The following MRRF variants were observed in gnomAD, a reference collection of about 807,000 sequenced individuals.
MRRF encodes the protein mitochondrial ribosome recycling factor, also known as ribosome-recycling factor, mitochondrial.
In MRRF, 18 loss-of-function variants were observed where a neutral mutation model predicts 25.1. The observed-to-expected ratio is 0.72, with a 90% CI of 0.50 to 1.06. The LOEUF (loss-of-function observed/expected upper bound fraction) is 1.06. Among genes scored for constraint, MRRF ranks in the 50% least tolerant of loss-of-function variants. The probability of loss-of-function intolerance (pLI) is 0.00; values close to 1 mark genes in which losing one functional copy is unlikely to be tolerated. For missense variants in MRRF, 323 were observed against 319.3 expected, an observed-to-expected ratio of 1.01 and a Z score of -0.09; for synonymous variants, 113 against 112.1, an observed-to-expected ratio of 1.01 and a Z score of -0.05.
chr9:122,302,582 C>T (rs983858102), intron 5 of MRRF, among the ~76,000 whole-genome samples: 2 of 151,990 alleles, frequency 1.3e-5, no homozygotes, highest in Admixed American at 6.6e-5. Flanking sequence ...ATGGCTATAC[C>T]ACATTTTATA....
chr9:122,292,937 T>C (rs1329423996), intron 5 of MRRF, among the ~76,000 whole-genome samples: 2 of 152,194 alleles, frequency 1.3e-5, no homozygotes, highest in Non-Finnish European at 2.9e-5. Context: ...TCAACAAATA[T>C]TTATTAAGTA....
rs184339605 is a variant in MRRF at position 122,293,554 on chromosome 9, A to C, written c.551+1714A>C. On this transcript the variant is annotated intron_variant, in intron 5 of 6. Coordinates refer to ENST00000344641, the MANE Select transcript of MRRF (RefSeq NM_138777.5). ...TGTCTTGTTCCATTGTGTTCTCAGT[A>C]CTCTGTGAGGCTGAAGTAACACTCT... 6.6e-5 allele frequency among the ~76,000 whole-genome samples: 10 copies of C among 152,258 alleles called. No individual in the cohort carries two copies. The East Asian group carries it at 1.9e-3, about 29-fold the overall frequency.
intron 2 of MRRF, among the ~76,000 whole-genome samples, chr9:122,274,715 A>G (rs1157056679): frequency 6.6e-6 from 1 of 152,120 alleles, no homozygotes; most frequent in Admixed American, 6.6e-5. Context: ...AAAGTTGTTC[A>G]TAATAGTCTC....
intron 1 of MRRF, chr9:122,265,832 C>T (rs1052955074): frequency 9.1e-7 from 1 of 1,098,434 alleles, no homozygotes; most frequent in African/African-American, 1.6e-5. Context: ...AGCCCTTTCT[C>T]TACCTGTTAA....
intron 5 of MRRF, among the ~76,000 whole-genome samples, chr9:122,293,378 G>A (rs1299423246): frequency 1.3e-5 from 2 of 152,168 alleles, no homozygotes; most frequent in Non-Finnish European, 2.9e-5. Flanking sequence ...CACACAGCTT[G>A]TGCTGAAGCT....
chr9:122,287,548 G>A (rs1182076911), intron 4 of MRRF, among the ~76,000 whole-genome samples: 3 of 152,144 alleles, frequency 2.0e-5, no homozygotes, highest in Non-Finnish European at 4.4e-5. Context: ...ACCTCATCAG[G>A]CAGATTGCTT....
intron 1 of MRRF, among the ~76,000 whole-genome samples, chr9:122,267,074 A>T (rs1478473832): frequency 6.7e-6 from 1 of 150,004 alleles, no homozygotes; most frequent in Non-Finnish European, 1.5e-5. Flanking sequence ...CGTCTCAAAA[A>T]AAAAAAAAAA....
In MRRF at chr9:122,304,742, C is replaced by T. The variant is rs768482769; in HGVS notation, c.552-8485C>T. On this transcript the variant is annotated intron_variant, in intron 5 of 6. Transcript: ENST00000344641. ...AGTAGCATGAATTATATATCTAAGCCGGTCTTAATGTGAGAGTAGTACTGT... is the reference window on the plus strand; with the variant it reads ...AGTAGCATGAATTATATATCTAAGCTGGTCTTAATGTGAGAGTAGTACTGT... Among the ~76,000 whole-genome samples the T allele has an allele frequency of 1.6e-4, 25 of 152,198 alleles. No homozygotes were observed. The South Asian group carries it at 3.7e-3, about 23-fold the overall frequency.
At chr9:122,286,281 A>G (rs1353553146) in intron 4 of MRRF, 1 of 1,074,110 alleles carries the variant, frequency 9.3e-7, no homozygotes, top group Non-Finnish European at 1.2e-6. Flanking sequence ...AGAAAGGGAA[A>G]GCCCTTGCTG....
At chr9:122,319,073 T>A (rs1293926385) in intron 6 of MRRF, among the ~76,000 whole-genome samples, 4 of 151,760 alleles carry the variant, frequency 2.6e-5, no homozygotes, top group Non-Finnish European at 5.9e-5. Flanking sequence ...CAAAAGGGAA[T>A]AAGAGCCTCA....
intron 5 of MRRF, among the ~76,000 whole-genome samples, chr9:122,294,188 A>G (rs1320737925): frequency 6.6e-6 from 1 of 152,184 alleles, no homozygotes; most frequent in East Asian, 1.9e-4. Flanking sequence ...GTCGTTTCTG[A>G]AGCTCCAAAA....
At position 122,330,054 on chromosome 9, in the gene MRRF, A is replaced by G. The variant is rs564500451; in HGVS notation, c.*7437A>G. On this transcript the variant is annotated 3_prime_UTR_variant, in exon 7 of 7. Coordinates refer to ENST00000344641, the MANE Select transcript of MRRF (RefSeq NM_138777.5). This position sits in a 1 kb window ranked among gnomAD's most constrained non-coding sequence, Gnocchi z 4.2. ...AAGTCGGCCTCAGGCGTTTCTAGACATCTTAAGGGACCGCATGGCATCCAA... is the reference window on the plus strand; with the variant it reads ...AAGTCGGCCTCAGGCGTTTCTAGACGTCTTAAGGGACCGCATGGCATCCAA... 6.6e-6 allele frequency: 1 copy of G among 152,372 alleles called. No homozygotes were observed. The highest frequency in any genetic ancestry group is 1.5e-5 in the Non-Finnish European group (1 of 68,082). The allele number at this position is 152,372 out of a possible 1,614,324, so 9.4% of individuals were successfully genotyped here.
intron 2 of MRRF, among the ~76,000 whole-genome samples, chr9:122,279,354 C>T (rs887853713): frequency 2.6e-5 from 4 of 152,218 alleles, no homozygotes; most frequent in African/African-American, 9.6e-5. Context: ...ATACTAATCA[C>T]TATTCTTCCT....
intron 5 of MRRF, among the ~76,000 whole-genome samples, chr9:122,298,805 A>T: frequency 6.6e-6 from 1 of 152,198 alleles, no homozygotes; most frequent in Middle Eastern, 3.2e-3. Flanking sequence ...TATGTGTCGG[A>T]TGGTCATATT....
At chr9:122,290,113 C>T (rs1833672451) in intron 4 of MRRF, among the ~76,000 whole-genome samples, 2 of 151,858 alleles carry the variant, frequency 1.3e-5, no homozygotes, top group Non-Finnish European at 2.9e-5. Context: ...GTTATAATTA[C>T]TGAATGCATT....
At position 122,318,258 on chromosome 9, in the gene MRRF, A is replaced by G. The variant is rs373527837; in HGVS notation, c.712-4282A>G. On this transcript the variant is annotated intron_variant, in intron 6 of 6. Coordinates refer to ENST00000344641, the MANE Select transcript of MRRF (RefSeq NM_138777.5). ...TACTTCCCAACCCGCATTCCAGGCA[A>G]GCTCTGCTGAAGAAGGACCGAGGTC... Among the ~76,000 whole-genome samples the G allele has an allele frequency of 4.9e-3, 747 of 151,888 alleles. 5 individuals carry two copies. The highest frequency in any genetic ancestry group is 0.017 in the African/African-American group (705 of 41,360).
intron 5 of MRRF, among the ~76,000 whole-genome samples, chr9:122,301,900 A>AT (rs563268615): frequency 0.016 from 2,285 of 141,036 alleles, 16 homozygotes; most frequent in South Asian, 0.05. Context: ...CACCCGGCTA[A>AT]TTTTTTTTTT....
rs866452689 is a variant in MRRF at position 122,328,548 on chromosome 9, A to G, written c.*5931A>G. On this transcript the variant is annotated 3_prime_UTR_variant, in exon 7 of 7. Coordinates refer to ENST00000344641, the MANE Select transcript of MRRF (RefSeq NM_138777.5). ...AAAGTATATCCATATTGTAGCATGTATCAGAATTTCCTTTCTAAGGCTGAG... is the reference window on the plus strand; with the variant it reads ...AAAGTATATCCATATTGTAGCATGTGTCAGAATTTCCTTTCTAAGGCTGAG... 6.6e-6 allele frequency: 1 copy of G among 152,256 alleles called. No homozygotes were observed. Among genetic ancestry groups the G allele is most frequent in the African/African-American group, 2.4e-5 (1 of 41,470 alleles). 9.4% of individuals were successfully genotyped at this position (152,256 alleles called of 1,614,324 possible).
At chr9:122,286,852 A>G (rs1773239190) in intron 4 of MRRF, among the ~76,000 whole-genome samples, 1 of 152,244 alleles carries the variant, frequency 6.6e-6, no homozygotes, top group East Asian at 1.9e-4. Context: ...ACAGTCCAAA[A>G]TCTTCATTAT....
Sources: gnomAD v4.1 joint callset for allele counts (sites outside exome capture counted in the v4.1 genomes callset) on GRCh38, gnomAD v4.1.1 for gene constraint, Gnocchi (gnomAD v3.1) non-coding constraint, MANE v1.5 for transcripts, NCBI Gene and HGNC (gene_info 2026-07-23, HGNC 2026-07-21) for gene names.